Variants in PAX2 observed in about 807,000 individuals in gnomAD.
The protein encoded by PAX2 is paired box 2, also known as paired box protein Pax-2.
Under a neutral mutation model 41.7 loss-of-function variants are expected in PAX2, and 9 were observed. That is an observed-to-expected ratio of 0.22 (90% CI 0.13 to 0.38). The LOEUF (loss-of-function observed/expected upper bound fraction) is 0.38. Among genes scored for constraint, PAX2 ranks in the 10% least tolerant of loss-of-function variants. The pLI is 1.00. For missense variants in PAX2, 418 were observed against 531.6 expected (o/e 0.79, Z 2.10); for synonymous variants, 221 against 212.7 (o/e 1.04, Z -0.34).
In PAX2 at chr10:100,824,734, G is replaced by T. The variant is rs772745803; in HGVS notation, c.1006G>T (p.Ala336Ser). The T allele has an allele frequency of 1.2e-6, 2 of 1,604,360 alleles. No individual in the cohort carries two copies. Among genetic ancestry groups the T allele is most frequent in the East Asian group, 2.2e-5 (1 of 44,840 alleles). ...GQGSYPTSTL[A>S]GMVPGSEFSG... ...GGGAAGCTACCCCACCTCCACCCTG[G>T]CAGGAATGGTGCCTGGTAGGTGACA... The change falls in exon 8 of 10, where the codon GCA (alanine) becomes TCA (serine). Residue 336 changes from alanine (A) to serine (S), a missense_variant. Coordinates refer to ENST00000355243, the MANE Select transcript of PAX2 (RefSeq NM_000278.5). This position sits in a 1 kb window ranked among gnomAD's most constrained non-coding sequence, Gnocchi z 6.6.
chr10:100,753,146 C>A (rs969564410), intron 3 of PAX2, among the ~76,000 whole-genome samples: 1 of 152,232 alleles, frequency 6.6e-6, no homozygotes, highest in African/African-American at 2.4e-5. Flanking sequence ...AAGCCACCAA[C>A]AACACGGGCA....
intron 1 of PAX2, 148 bp from the exon 2 acceptor site, chr10:100,749,598 G>T: frequency 1.4e-6 from 2 of 1,436,004 alleles, no homozygotes; most frequent in Non-Finnish European, 1.8e-6. Flanking sequence ...CCGCGTGGTC[G>T]TGGAGGTCCA....
chr10:100,800,639 T>A (rs1408912747), intron 5 of PAX2, among the ~76,000 whole-genome samples: 1 of 152,208 alleles, frequency 6.6e-6, no homozygotes, highest in Non-Finnish European at 1.5e-5. Flanking sequence ...GTGACCCTTC[T>A]GTCCCTAGCC....
At position 100,791,350 on chromosome 10, in the gene PAX2, GCATGTGTATGTGTGTA is replaced by G. The variant is rs1302896688; in HGVS notation, c.616+10001_616+10016del. 4.6e-5 allele frequency among the ~76,000 whole-genome samples: 7 copies of G among 152,188 alleles called. No homozygotes were observed. The highest frequency in any genetic ancestry group is 8.8e-5 in the Non-Finnish European group (6 of 68,036). On this transcript the variant is annotated intron_variant, in intron 5 of 9. Transcript: ENST00000355243. This position sits in a 1 kb window ranked among gnomAD's most constrained non-coding sequence, Gnocchi z 4.5. The stretch of plus-strand genomic sequence containing the variant: ...CAGGAGGACTGGCTAGAGTGTGTGT[GCATGTGTATGTGTGTA>G]CATGTGTATGTGTGTGCATGTGTGT...
chr10:100,763,038 T>C, intron 3 of PAX2, among the ~76,000 whole-genome samples: 1 of 152,218 alleles, frequency 6.6e-6, no homozygotes, highest in South Asian at 2.1e-4. Flanking sequence ...GTGAGCTGGA[T>C]CCACCTTCTA....
At chr10:100,738,562 T>A (rs1844847666) in intron 1 of PAX2, among the ~76,000 whole-genome samples, 1 of 152,148 alleles carries the variant, frequency 6.6e-6, no homozygotes, top group African/African-American at 2.4e-5. Flanking sequence ...AAGAGACACA[T>A]CAGAAATTCT....
chr10:100,755,912 G>T (rs1479614075), intron 3 of PAX2, among the ~76,000 whole-genome samples: 1 of 152,172 alleles, frequency 6.6e-6, no homozygotes, highest in African/African-American at 2.4e-5. Context: ...TGGAGATGTG[G>T]CAGGGGAGAG....
chr10:100,746,144 G>C lies in PAX2; in HGVS notation c.-117G>C. The C allele has an allele frequency of 1.3e-6, 2 of 1,589,268 alleles. No individual in the cohort carries two copies. Among genetic ancestry groups the C allele is most frequent in the Non-Finnish European group, 1.7e-6 (2 of 1,170,218 alleles). The stretch of plus-strand genomic sequence containing the variant: ...CCCCCGCGCGCCCCGCAGCAGCCGG[G>C]CGTTCACTCATCCTCCCTCCCCCAC... On this transcript the variant is annotated 5_prime_UTR_variant, in exon 1 of 10. Transcript: ENST00000355243.
intron 3 of PAX2, 29 bp from the exon 4 acceptor site, chr10:100,779,469 T>C: frequency 1.3e-6 from 2 of 1,552,818 alleles, no homozygotes; most frequent in Non-Finnish European, 1.8e-6. Context: ...GGGCATTTGA[T>C]GTGTGATGCT....
In PAX2 at chr10:100,824,821, T is replaced by C; in HGVS notation, c.1021+72T>C. ...ATTGTGGGTGAGCTGCTGAATGGTC[T>C]GTAGTCTGAGGCTGGGGTGGGGGGA... is the stretch of plus-strand genomic sequence containing the variant. On this transcript the variant is annotated intron_variant, in intron 8 of 9. Transcript: ENST00000355243. This position sits in a 1 kb window ranked among gnomAD's most constrained non-coding sequence, Gnocchi z 6.6. 1 of 1,498,670 alleles carries C rather than the reference T, an allele frequency of 6.7e-7. No homozygotes were observed. Among genetic ancestry groups the C allele is most frequent in the African/African-American group, 1.4e-5 (1 of 72,820 alleles). 92.8% of individuals were successfully genotyped at this position (1,498,670 alleles called of 1,614,324 possible).
intron 7 of PAX2, among the ~76,000 whole-genome samples, chr10:100,814,351 CAAAAAAAAAAAA>C (rs11458573): frequency 3.7e-5 from 2 of 53,728 alleles, no homozygotes; most frequent in African/African-American, 8.9e-5. Flanking sequence ...GACTCCATCT[CAAAAAAAAAAAA>C]AAAAAAAAAA....
chr10:100,745,475 A>C (rs867287625), upstream of PAX2, among the ~76,000 whole-genome samples: 1 of 151,668 alleles, frequency 6.6e-6, no homozygotes, highest in African/African-American at 2.4e-5. Flanking sequence ...GGTGGAATCT[A>C]TTGCCTTTGT....
intron 1 of PAX2, among the ~76,000 whole-genome samples, chr10:100,740,388 G>C (rs1483088398): frequency 6.6e-6 from 1 of 152,204 alleles, no homozygotes; most frequent in Non-Finnish European, 1.5e-5. Context: ...ACAGAGGGAA[G>C]AACGATAAAC....
intron 3 of PAX2, among the ~76,000 whole-genome samples, chr10:100,753,943 A>G (rs1417361493): frequency 6.6e-6 from 1 of 152,172 alleles, no homozygotes; most frequent in African/African-American, 2.4e-5. Flanking sequence ...AAAAATCCCA[A>G]GGCTTGACTG....
rs1564703263 is a variant in PAX2, at chr10:100,745,919, C to G, written c.-342C>G. On this transcript the variant is annotated 5_prime_UTR_variant, in exon 1 of 10. Transcript: ENST00000355243. The stretch of plus-strand genomic sequence containing the variant: ...CAGGGGAGCTGAGCGAGTCGCCTCC[C>G]CCGCCCAGCTTCAGCCCTGGCTGCA... 1.6e-6 allele frequency: 2 copies of G among 1,229,018 alleles called. No individual in the cohort carries two copies. Among genetic ancestry groups the G allele is most frequent in the African/African-American group, 1.6e-5 (1 of 63,134 alleles). 76.1% of individuals were successfully genotyped at this position (1,229,018 alleles called of 1,614,324 possible).
chr10:100,799,503 A>G (rs776114169), intron 5 of PAX2, among the ~76,000 whole-genome samples: 5 of 152,226 alleles, frequency 3.3e-5, no homozygotes, highest in Non-Finnish European at 5.9e-5. Context: ...GTAAATGATG[A>G]TGGGTCCTTG....
intron 7 of PAX2, among the ~76,000 whole-genome samples, chr10:100,820,161 T>A (rs17113495): frequency 6.6e-6 from 1 of 152,322 alleles, no homozygotes; most frequent in African/African-American, 2.4e-5. Flanking sequence ...TTTTATTCTC[T>A]GAGTCCTTTT....
chr10:100,792,762 G>A (rs1173544513), intron 5 of PAX2, among the ~76,000 whole-genome samples: 1 of 136,634 alleles, frequency 7.3e-6, no homozygotes, highest in Non-Finnish European at 1.5e-5. Flanking sequence ...CATCTTTATT[G>A]GTTCTGGTAA....
At chr10:100,764,350 G>A (rs1315404375) in intron 3 of PAX2, among the ~76,000 whole-genome samples, 2 of 152,024 alleles carry the variant, frequency 1.3e-5, no homozygotes, top group Non-Finnish European at 2.9e-5. Context: ...TCACCTGTTA[G>A]CCAGGATGGT....
Sources: gnomAD v4.1 joint callset for allele counts (sites outside exome capture counted in the v4.1 genomes callset) on GRCh38, gnomAD v4.1.1 for gene constraint, Gnocchi (gnomAD v3.1) non-coding constraint, MANE v1.5 for transcripts, NCBI Gene and HGNC (gene_info 2026-07-23, HGNC 2026-07-21) for gene names.